Variants in ZNF326 observed in about 807,000 individuals in gnomAD.
ZNF326 encodes the protein DBIRD complex subunit ZNF326.
Under a neutral mutation model 63.1 loss-of-function variants are expected in ZNF326, and 30 were observed. That is an observed-to-expected ratio of 0.48 (90% CI 0.36 to 0.64). ZNF326 has a LOEUF of 0.64. ZNF326 is among the 30% of genes least tolerant of loss of function. ZNF326 has a pLI of 0.00. For missense variants in ZNF326, 609 were observed against 720.3 expected (o/e 0.85, Z 1.77); for synonymous variants, 194 against 228.2 (o/e 0.85, Z 1.35).
chr1:90,013,890 C>T (rs186404324), intron 7 of ZNF326, among the ~76,000 whole-genome samples: 39 of 151,772 alleles, frequency 2.6e-4, no homozygotes, highest in Non-Finnish European at 4.7e-4. Flanking sequence ...GGTGAAACCC[C>T]GTCTCTACTA....
At chr1:89,997,527 C>T (rs1648442849) in intron 1 of ZNF326, among the ~76,000 whole-genome samples, 1 of 152,070 alleles carries the variant, frequency 6.6e-6, no homozygotes, top group African/African-American at 2.4e-5. Flanking sequence ...GCACGCACCA[C>T]CAGGCCCGGC....
In ZNF326 at chr1:89,995,237, C is replaced by T. The variant is rs909615278; in HGVS notation, c.-21C>T. On this transcript the variant is annotated 5_prime_UTR_variant, in exon 1 of 12. Transcript: ENST00000340281. ...TAGCTCAGCCTAGCGCCGCCAAGGC[C>T]GACGGCCCTCAGCCTCTGCCATGGA... 1.9e-6 allele frequency: 3 copies of T among 1,547,030 alleles called. No individual in the cohort carries two copies. The highest frequency in any genetic ancestry group is 1.4e-5 in the African/African-American group (1 of 70,950).
Position 90,035,161 on chromosome 1 carries a change from A to G in ZNF326, c.*7460A>G, listed in dbSNP as rs1224220171. Reference sequence around the variant, plus strand: ...ATCAAACATCTGCATTCAAGTCAGGATTAAGACAATAATGACTGTTGCCTA... The same window carrying G: ...ATCAAACATCTGCATTCAAGTCAGGGTTAAGACAATAATGACTGTTGCCTA... On this transcript the variant is annotated 3_prime_UTR_variant, in exon 12 of 12. Transcript: ENST00000340281. 6.6e-6 allele frequency: 1 copy of G among 152,248 alleles called. No homozygotes were observed. The highest frequency in any genetic ancestry group is 1.5e-5 in the Non-Finnish European group (1 of 68,036). 9.4% of individuals were successfully genotyped at this position (152,248 alleles called of 1,614,324 possible).
chr1:90,018,032 G>A (rs570553291), intron 8 of ZNF326, among the ~76,000 whole-genome samples: 13 of 152,270 alleles, frequency 8.5e-5, no homozygotes, highest in South Asian at 2.1e-4. Context: ...AGTGGCTCAC[G>A]CCTGTAATCA....
At position 90,028,646 on chromosome 1, in the gene ZNF326, A is replaced by T. The variant is rs886335323; in HGVS notation, c.*945A>T. On this transcript the variant is annotated 3_prime_UTR_variant, in exon 12 of 12. Coordinates refer to ENST00000340281, the MANE Select transcript of ZNF326 (RefSeq NM_182976.4). ...TCTTTCAAATATTTCTATCCTTTTT[A>T]AAAAATTCCTTTTTATGGCTTATAT... 1 of 152,104 alleles carries T rather than the reference A, an allele frequency of 6.6e-6. No homozygotes were observed. The highest frequency in any genetic ancestry group is 6.5e-5 in the Admixed American group (1 of 15,280). 9.4% of individuals were successfully genotyped at this position (152,104 alleles called of 1,614,324 possible). A position where few individuals can be genotyped will look rare whatever the true frequency, so the allele number is the denominator to read the frequency against.
intron 5 of ZNF326, among the ~76,000 whole-genome samples, chr1:90,009,233 A>G (rs1649128047): frequency 6.6e-6 from 1 of 152,086 alleles, no homozygotes; most frequent in African/African-American, 2.4e-5. Flanking sequence ...AGCCAATAGG[A>G]CCTACATTTT....
At chr1:89,997,101 T>C (rs1485055967) in intron 1 of ZNF326, among the ~76,000 whole-genome samples, 1 of 152,248 alleles carries the variant, frequency 6.6e-6, no homozygotes, top group African/African-American at 2.4e-5. Flanking sequence ...TGCCCAAATA[T>C]ACCACTGCTG....
rs1650160471 is a variant in ZNF326, at chr1:90,029,243, GT to G, written c.*1543del. ...TCCCACAGATAATTTATCTTTTTGT[GT>G]AAAATAAGGCTTTTAAAACTAGACT... On this transcript the variant is annotated 3_prime_UTR_variant, in exon 12 of 12. Coordinates refer to ENST00000340281, the MANE Select transcript of ZNF326 (RefSeq NM_182976.4). 1 of 151,688 alleles carries G rather than the reference GT, an allele frequency of 6.6e-6. No individual in the cohort carries two copies. Among genetic ancestry groups the G allele is most frequent in the Admixed American group, 6.6e-5 (1 of 15,208 alleles). The allele number at this position is 151,688 out of a possible 1,614,324, so 9.4% of individuals were successfully genotyped here.
intron 6 of ZNF326, among the ~76,000 whole-genome samples, chr1:90,012,575 T>G (rs1008756083): frequency 5.9e-5 from 9 of 152,228 alleles, no homozygotes; most frequent in African/African-American, 2.2e-4. Context: ...ATGGTTAAAC[T>G]AGTAAATCTT....
chr1:89,996,988 T>C (rs1229395213), intron 1 of ZNF326, among the ~76,000 whole-genome samples: 2 of 152,198 alleles, frequency 1.3e-5, no homozygotes, highest in Non-Finnish European at 2.9e-5. Context: ...AATAATAAAA[T>C]GTAGTATGTC....
intron 4 of ZNF326, chr1:90,006,109 C>T (rs1313739468): frequency 1.6e-5 from 16 of 985,232 alleles, no homozygotes; most frequent in South Asian, 4.7e-5. Context: ...CTGAATGATG[C>T]TTACTTTCCT....
At chr1:90,020,113 C>T (rs1244178610) in intron 9 of ZNF326, among the ~76,000 whole-genome samples, 2 of 151,960 alleles carry the variant, frequency 1.3e-5, no homozygotes, top group African/African-American at 4.8e-5. Context: ...TCATTACTTC[C>T]AGTTTTTCTT....
chr1:90,035,477 A>G lies in ZNF326; in HGVS notation c.*7776A>G, dbSNP rs539575015. 6.6e-6 allele frequency: 1 copy of G among 152,334 alleles called. No homozygotes were observed. The highest frequency in any genetic ancestry group is 1.9e-4 in the East Asian group (1 of 5,190). 9.4% of individuals were successfully genotyped at this position (152,334 alleles called of 1,614,324 possible). On this transcript the variant is annotated 3_prime_UTR_variant, in exon 12 of 12. Coordinates refer to ENST00000340281, the MANE Select transcript of ZNF326 (RefSeq NM_182976.4). ...GAATAAACAATGGGAAAAATGCAAA[A>G]TCCTTATGAGGAAAATGATACATTT...
Position 89,996,731 on chromosome 1 carries a change from C to T in ZNF326, c.17-1379C>T, listed in dbSNP as rs1054435298. Among the ~76,000 whole-genome samples, 8 of 150,298 alleles carry T rather than the reference C, an allele frequency of 5.3e-5. No homozygotes were observed. In the East Asian group the frequency reaches 1.2e-3, roughly 22 times the overall value. On this transcript the variant is annotated intron_variant, in intron 1 of 11. Coordinates refer to ENST00000340281, the MANE Select transcript of ZNF326 (RefSeq NM_182976.4). ...TCTAGCCTGGGCAACAAGAGCCAAA[C>T]TTCGTCTGAAAAAAAAAAAACAAAA...
At position 90,017,474 on chromosome 1, in the gene ZNF326, TGTTTTTG is replaced by T; in HGVS notation, c.1074+11_1074+17del. On this transcript the variant is annotated intron_variant, in intron 8 of 11. Transcript: ENST00000340281. ...TATGGAGTTTTTGCATGTGAGTAGCTGTTTTTGAAGTGAGAAGCATTTTATTGATATG... is the reference window on the plus strand; with the variant it reads ...TATGGAGTTTTTGCATGTGAGTAGCTAAGTGAGAAGCATTTTATTGATATG... 6.4e-7 allele frequency: 1 copy of T among 1,569,396 alleles called. No individual in the cohort carries two copies. Among genetic ancestry groups the T allele is most frequent in the Non-Finnish European group, 8.6e-7 (1 of 1,166,336 alleles).
intron 5 of ZNF326, among the ~76,000 whole-genome samples, chr1:90,008,722 A>C (rs1476375280): frequency 2.6e-5 from 4 of 152,154 alleles, no homozygotes; most frequent in Non-Finnish European, 5.9e-5. Flanking sequence ...AGTAGGGTAC[A>C]CGTTTTTGAC....
intron 5 of ZNF326, among the ~76,000 whole-genome samples, chr1:90,008,017 A>ACACT (rs1649069400): frequency 6.6e-6 from 1 of 152,230 alleles, no homozygotes; most frequent in African/African-American, 2.4e-5. Flanking sequence ...AAGGGGTTAA[A>ACACT]AGGAGTTGCA....
intron 2 of ZNF326, among the ~76,000 whole-genome samples, chr1:90,003,960 CTG>C (rs943424626): frequency 2.6e-5 from 4 of 152,022 alleles, no homozygotes; most frequent in Non-Finnish European, 5.9e-5. Flanking sequence ...GATATTTACT[CTG>C]TGTGTACTAT....
chr1:90,028,645 T>A lies in ZNF326; in HGVS notation c.*944T>A, dbSNP rs573974728. 8.5e-5 allele frequency: 13 copies of A among 152,270 alleles called. No individual in the cohort carries two copies. In the East Asian group the frequency reaches 2.5e-3, roughly 29 times the overall value. 9.4% of individuals were successfully genotyped at this position (152,270 alleles called of 1,614,324 possible). A position where few individuals can be genotyped will look rare whatever the true frequency, so the allele number is the denominator to read the frequency against. ...CTCTTTCAAATATTTCTATCCTTTT[T>A]AAAAAATTCCTTTTTATGGCTTATA... On this transcript the variant is annotated 3_prime_UTR_variant, in exon 12 of 12. Transcript: ENST00000340281.
Sources: gnomAD v4.1 joint callset for allele counts (sites outside exome capture counted in the v4.1 genomes callset) on GRCh38, gnomAD v4.1.1 for gene constraint, MANE v1.5 for transcripts, NCBI Gene and HGNC (gene_info 2026-07-23, HGNC 2026-07-21) for gene names.